The following MAST2 variants were observed in gnomAD, a reference collection of about 807,000 sequenced individuals.
MAST2 encodes microtubule-associated serine/threonine-protein kinase 2.
MAST2 carries 70 observed loss-of-function variants against 147.4 expected under a neutral mutation model. The ratio of observed to expected loss-of-function variants is 0.47; its 90% CI spans 0.39 to 0.58. The LOEUF (loss-of-function observed/expected upper bound fraction) is 0.58, where lower values mean the gene tolerates loss of function less well. Ranked by LOEUF, MAST2 falls within the 20% of genes least tolerant of loss-of-function variation. The pLI, the probability that MAST2 is intolerant of heterozygous loss-of-function variation, is 0.00. For synonymous variants in MAST2, 869 were observed against 896.8 expected, an observed-to-expected ratio of 0.97 and a Z score of 0.55; for missense variants, 2,080 against 2,302.3, an observed-to-expected ratio of 0.90 and a Z score of 1.98.
chr1:46,024,075 T>C (rs1169783700), intron 15 of MAST2, 95 bp downstream of exon 15: 1 of 1,226,128 alleles, frequency 8.2e-7, no homozygotes, highest in East Asian at 2.4e-5. Flanking sequence ...AGGTGAAGTT[T>C]CAGGGCCCAG....
At chr1:45,837,744 A>G (rs1358231679) in intron 3 of MAST2, among the ~76,000 whole-genome samples, 2 of 152,204 alleles carry the variant, frequency 1.3e-5, no homozygotes, top group Non-Finnish European at 1.5e-5. Context: ...CATTTCCACC[A>G]GCAGTTGCTC....
chr1:45,909,156 A>G (rs1651259342), intron 4 of MAST2, among the ~76,000 whole-genome samples: 1 of 152,094 alleles, frequency 6.6e-6, no homozygotes, highest in Admixed American at 6.5e-5. Context: ...TCTTTAGGTA[A>G]CTCGACAGTA....
At chr1:45,817,316 C>G (rs1303877350) in intron 1 of MAST2, among the ~76,000 whole-genome samples, 1 of 151,918 alleles carries the variant, frequency 6.6e-6, no homozygotes, top group Non-Finnish European at 1.5e-5. Flanking sequence ...ATGAAGGATC[C>G]TAAAAGCAGT....
intron 5 of MAST2, among the ~76,000 whole-genome samples, chr1:45,991,934 GC>G (rs1313363300): frequency 6.6e-6 from 1 of 151,582 alleles, no homozygotes; most frequent in Non-Finnish European, 1.5e-5. Flanking sequence ...TCACTATGTT[GC>G]CCAGGCTGGT....
intron 2 of MAST2, among the ~76,000 whole-genome samples, chr1:45,828,989 C>A (rs1202091941): frequency 1.3e-5 from 2 of 151,666 alleles, no homozygotes; most frequent in Non-Finnish European, 2.9e-5. Flanking sequence ...TTATAAGTGA[C>A]TCTCTTTCAT....
chr1:45,982,534 T>C (rs1303282256), intron 5 of MAST2, among the ~76,000 whole-genome samples: 3 of 152,212 alleles, frequency 2.0e-5, no homozygotes, highest in Non-Finnish European at 4.4e-5. Context: ...AGCTTCCTGG[T>C]TGGTGAACAC....
intron 4 of MAST2, chr1:45,913,504 T>C (rs1453486344): frequency 3.7e-6 from 3 of 819,974 alleles, no homozygotes; most frequent in African/African-American, 1.9e-5. Context: ...TGCTTGTCAC[T>C]GACGCAGGAA....
At chr1:46,011,131 T>A (rs760851592) in intron 10 of MAST2, 192 bp downstream of exon 10, 51 of 597,352 alleles carry the variant, frequency 8.5e-5, no homozygotes, top group Middle Eastern at 4.5e-4. Flanking sequence ...CTGCTTGGTA[T>A]CAAAGGAAGT....
intron 4 of MAST2, among the ~76,000 whole-genome samples, chr1:45,924,463 T>A (rs963546476): frequency 1.4e-4 from 22 of 152,070 alleles, no homozygotes; most frequent in African/African-American, 5.1e-4. Flanking sequence ...TGAATTTGAC[T>A]CTGAGTTCCA....
intron 8 of MAST2, among the ~76,000 whole-genome samples, chr1:46,007,502 T>C (rs1027028085): frequency 4.6e-5 from 7 of 152,176 alleles, no homozygotes; most frequent in Non-Finnish European, 8.8e-5. Context: ...CCATGCTATA[T>C]TACTCTTAAA....
At chr1:45,980,974 G>T (rs935746748) in intron 5 of MAST2, among the ~76,000 whole-genome samples, 2 of 152,150 alleles carry the variant, frequency 1.3e-5, no homozygotes, top group African/African-American at 4.8e-5. Flanking sequence ...TAGAGAAAGG[G>T]TTTAATATAC....
chr1:46,004,473 C>A (rs922984529), intron 7 of MAST2, among the ~76,000 whole-genome samples: 1 of 151,968 alleles, frequency 6.6e-6, no homozygotes, highest in Non-Finnish European at 1.5e-5. Context: ...TAACTCATTG[C>A]TCCAGCTTAT....
chr1:45,867,753 G>T (rs1218291124), intron 3 of MAST2, among the ~76,000 whole-genome samples: 1 of 152,206 alleles, frequency 6.6e-6, no homozygotes, highest in Non-Finnish European at 1.5e-5. Context: ...AGACAAGTAG[G>T]TGTATGGCCA....
chr1:46,027,012 A>C (rs1646441392), intron 16 of MAST2, among the ~76,000 whole-genome samples: 1 of 152,210 alleles, frequency 6.6e-6, no homozygotes, highest in African/African-American at 2.4e-5. Flanking sequence ...CTCAACAGAT[A>C]ACCAAAATTA....
At chr1:46,020,921 A>G (rs1646155808) in intron 11 of MAST2, among the ~76,000 whole-genome samples, 1 of 152,218 alleles carries the variant, frequency 6.6e-6, no homozygotes, top group African/African-American at 2.4e-5. Flanking sequence ...AGTCCTAAGA[A>G]AGATTACTTT....
At chr1:46,020,030 C>T (rs1391888495) in intron 11 of MAST2, among the ~76,000 whole-genome samples, 1 of 152,200 alleles carries the variant, frequency 6.6e-6, no homozygotes, top group Non-Finnish European at 1.5e-5. Flanking sequence ...TTCAGCAATA[C>T]TTGACTGAGT....
chr1:46,022,854 C>T (rs1168862494), intron 12 of MAST2, 56 bp from the exon 13 acceptor site: 4 of 1,296,374 alleles, frequency 3.1e-6, no homozygotes, highest in Admixed American at 1.7e-5. Context: ...TCTGAGGATA[C>T]TGCTGAGATA....
chr1:45,962,396 A>G (rs1378735934), intron 5 of MAST2, among the ~76,000 whole-genome samples: 2 of 152,000 alleles, frequency 1.3e-5, no homozygotes, highest in Admixed American at 1.3e-4. Flanking sequence ...AACAGTGTAA[A>G]AGTGTTCCTA....
intron 4 of MAST2, among the ~76,000 whole-genome samples, chr1:45,895,671 TA>T (rs1247093046): frequency 6.6e-6 from 1 of 151,826 alleles, no homozygotes; most frequent in Non-Finnish European, 1.5e-5. Context: ...TTAAAAAAAG[TA>T]AAAACAAAAA....
Sources: gnomAD v4.1 joint callset for allele counts (sites outside exome capture counted in the v4.1 genomes callset) on GRCh38, gnomAD v4.1.1 for gene constraint, MANE v1.5 for transcripts, NCBI Gene and HGNC (gene_info 2026-07-23, HGNC 2026-07-21) for gene names.